The following VPS8 variants were observed in gnomAD, a reference collection of about 807,000 sequenced individuals.
VPS8 encodes the protein vacuolar protein sorting-associated protein 8 homolog.
In VPS8, 129 loss-of-function variants were observed where a neutral mutation model predicts 216.4. The observed-to-expected ratio is 0.60, with a 90% CI of 0.52 to 0.69. The LOEUF is 0.69. Among genes scored for constraint, VPS8 ranks in the 30% least tolerant of loss-of-function variants. The pLI, the probability that VPS8 is intolerant of heterozygous loss-of-function variation, is 0.00. For synonymous variants in VPS8, 571 were observed against 565.4 expected (o/e 1.01, Z -0.14); for missense variants, 1,531 against 1,683.5 (o/e 0.91, Z 1.59).
At chr3:184,918,598 C>G (rs1320207930) in intron 28 of VPS8, among the ~76,000 whole-genome samples, 1 of 152,138 alleles carries the variant, frequency 6.6e-6, no homozygotes, top group Non-Finnish European at 1.5e-5. Flanking sequence ...ATCAAACTAC[C>G]AATATCTGTT....
At chr3:184,944,543 C>T (rs1052105604) in intron 36 of VPS8, 16 of 985,184 alleles carry the variant, frequency 1.6e-5, no homozygotes, top group Admixed American at 1.2e-4. Context: ...CAAAAGGACA[C>T]GTGTTTTTTG....
chr3:184,966,073 C>T (rs987420072), intron 38 of VPS8, among the ~76,000 whole-genome samples: 2 of 152,192 alleles, frequency 1.3e-5, no homozygotes, highest in Admixed American at 6.5e-5. Flanking sequence ...GCTCACAGTT[C>T]TGCAGGCTGT....
intron 45 of VPS8, among the ~76,000 whole-genome samples, chr3:185,005,439 A>G (rs1195245869): frequency 1.3e-5 from 2 of 152,142 alleles, no homozygotes; most frequent in African/African-American, 4.8e-5. Context: ...TGGGAATTGC[A>G]TTGAATCTGT....
chr3:184,947,781 C>T (rs981574369), intron 36 of VPS8, among the ~76,000 whole-genome samples: 6 of 152,052 alleles, frequency 3.9e-5, no homozygotes, highest in Admixed American at 1.3e-4. Context: ...TTGCTGTTTG[C>T]GTCAAAATTT....
intron 40 of VPS8, among the ~76,000 whole-genome samples, chr3:184,975,366 T>C (rs1749082222): frequency 6.6e-6 from 1 of 152,120 alleles, no homozygotes; most frequent in African/African-American, 2.4e-5. Flanking sequence ...TATTGGTATG[T>C]AGAAATGCTA....
At chr3:184,820,625 G>A (rs1717369298) in intron 1 of VPS8, among the ~76,000 whole-genome samples, 1 of 151,554 alleles carries the variant, frequency 6.6e-6, no homozygotes, top group African/African-American at 2.4e-5. Context: ...AGCTGCTCAT[G>A]TGAACTCTCC....
chr3:184,944,832 G>T (rs1743391503), intron 36 of VPS8, among the ~76,000 whole-genome samples: 1 of 152,144 alleles, frequency 6.6e-6, no homozygotes, highest in African/African-American at 2.4e-5. Context: ...AAATGGTTAT[G>T]CATTGGATTT....
intron 3 of VPS8, among the ~76,000 whole-genome samples, chr3:184,826,723 T>G (rs1214214919): frequency 6.6e-6 from 1 of 152,264 alleles, no homozygotes; most frequent in East Asian, 1.9e-4. Context: ...CCACTGATAT[T>G]CAAATAGCTT....
intron 22 of VPS8, among the ~76,000 whole-genome samples, chr3:184,894,008 A>G (rs1732860620): frequency 6.6e-6 from 1 of 152,222 alleles, no homozygotes; most frequent in African/African-American, 2.4e-5. Flanking sequence ...GTTTCCAGAA[A>G]TATGAAATAA....
chr3:184,878,183 T>C (rs1729613369), intron 21 of VPS8, among the ~76,000 whole-genome samples: 1 of 152,004 alleles, frequency 6.6e-6, no homozygotes, highest in Admixed American at 6.6e-5. Context: ...TGATCTCGGC[T>C]CACTGCAACC....
chr3:184,829,765 T>C (rs1018909806), intron 3 of VPS8, among the ~76,000 whole-genome samples: 14 of 152,220 alleles, frequency 9.2e-5, no homozygotes, highest in Admixed American at 9.2e-4. Flanking sequence ...TGTATTTCCC[T>C]AAAGACTAAT....
chr3:184,908,209 T>C (rs1022263991), intron 25 of VPS8, among the ~76,000 whole-genome samples: 1 of 152,182 alleles, frequency 6.6e-6, no homozygotes, highest in Non-Finnish European at 1.5e-5. Context: ...ATGGAGCTTT[T>C]AAGTAAGCTG....
In VPS8 at chr3:184,957,398, A is replaced by G. The variant is rs766348059; in HGVS notation, c.3060A>G (p.Glu1020=). Residue 1020 remains glutamate, a synonymous_variant, in exon 37 of 48, where the codon GAA becomes GAG. Transcript: ENST00000625842. Reference sequence around the variant, plus strand: ...GGGAAGGTATTCATGTAAATCAAGAATTACTGCAAATATCTCCTTGTATCA... The same window carrying G: ...GGGAAGGTATTCATGTAAATCAAGAGTTACTGCAAATATCTCCTTGTATCA... The part of the protein sequence containing the change: ...DPREGIHVNQ[E]LLQISPCITE... 7 of 1,610,808 alleles carry G rather than the reference A, an allele frequency of 4.3e-6. No individual in the cohort carries two copies. The highest frequency in any genetic ancestry group is 2.2e-5 in the East Asian group (1 of 44,794).
intron 8 of VPS8, 123 bp from the exon 9 acceptor site, chr3:184,848,948 G>A: frequency 1.0e-6 from 1 of 972,170 alleles, no homozygotes; most frequent in Non-Finnish European, 1.5e-6. Flanking sequence ...AAAAATGAAT[G>A]TGACTTCATT....
chr3:185,032,958 C>A (rs754484463), intron 46 of VPS8, among the ~76,000 whole-genome samples: 4 of 152,104 alleles, frequency 2.6e-5, no homozygotes, highest in Non-Finnish European at 4.4e-5. Flanking sequence ...TGAGCCACCC[C>A]GCCCGGCCCC....
rs377582024 is a variant in VPS8 at position 184,866,994 on chromosome 3, G to T, written c.1470+44G>T. 122 of 1,578,286 alleles carry T rather than the reference G, an allele frequency of 7.7e-5. 2 individuals are homozygous for T. The East Asian group carries it at 2.6e-3, about 34-fold the overall frequency. ...TGAGTTGGTATTTGTATGTATCAGGGTAGTTGAGGCTGAAGGAGATTGCTG... is the reference window on the plus strand; with the variant it reads ...TGAGTTGGTATTTGTATGTATCAGGTTAGTTGAGGCTGAAGGAGATTGCTG... On this transcript the variant is annotated intron_variant, in intron 17 of 47. Coordinates refer to ENST00000625842, the MANE Select transcript of VPS8 (RefSeq NM_001009921.3).
chr3:184,814,952 ATTTTC>A (rs1715989984), intron 1 of VPS8, among the ~76,000 whole-genome samples: 1 of 152,196 alleles, frequency 6.6e-6, no homozygotes, highest in East Asian at 1.9e-4. Flanking sequence ...GTACAAAAAT[ATTTTC>A]TTTATATCCT....
At chr3:184,966,759 A>G (rs752808331) in intron 39 of VPS8, 46 bp downstream of exon 39, 8 of 1,392,522 alleles carry the variant, frequency 5.7e-6, no homozygotes, top group Non-Finnish European at 8.0e-6. Context: ...CTTGGACCCC[A>G]TGTTTTAAAA....
At chr3:184,898,363 C>T (rs1733900574) in intron 23 of VPS8, among the ~76,000 whole-genome samples, 1 of 152,078 alleles carries the variant, frequency 6.6e-6, no homozygotes, top group African/African-American at 2.4e-5. Context: ...TTAAAGTAAG[C>T]GTTGTACTAT....
Sources: allele counts gnomAD v4.1 joint callset (sites outside exome capture counted in the v4.1 genomes callset), GRCh38; gene constraint gnomAD v4.1.1; transcripts MANE v1.5; gene names NCBI Gene and HGNC (gene_info 2026-07-23, HGNC 2026-07-21).